DMD: variants seen among roughly 807,000 people sequenced by gnomAD.
The protein encoded by DMD is dystrophin.
A neutral mutation model predicts 330.1 loss-of-function variants in DMD; 63 were observed. The ratio of observed to expected loss-of-function variants is 0.19; its 90% CI spans 0.16 to 0.24. DMD has a LOEUF of 0.24. Ranked by LOEUF, DMD falls within the 10% of genes least tolerant of loss-of-function variation. DMD has a pLI of 1.00. For synonymous variants in DMD, 1,223 were observed against 959.8 expected (o/e 1.27, Z -5.07); for missense variants, 3,344 against 2,684.1 (o/e 1.25, Z -5.43).
At chrX:31,925,429 G>T (rs1212809387) in intron 47 of DMD, among the ~76,000 whole-genome samples, 1 of 111,094 alleles carries the variant, frequency 9.0e-6, no homozygotes, top group African/African-American at 3.3e-5. Flanking sequence ...CATATACAAA[G>T]AGCAATGAAG....
rs1392458589 is a variant in DMD at position 32,382,696 on chromosome X, G to T, written c.4675-2016C>A. Among the ~76,000 whole-genome samples, 6 of 108,160 alleles carry T rather than the reference G, an allele frequency of 5.5e-5. No individual in the cohort carries two copies. In the East Asian group the frequency reaches 1.7e-3, roughly 31 times the overall value. 93.9% of individuals were successfully genotyped at this position (108,160 alleles called of 115,157 possible). On this transcript the variant is annotated intron_variant, in intron 33 of 78. Coordinates refer to ENST00000357033, the MANE Select transcript of DMD (RefSeq NM_004006.3). The stretch of plus-strand genomic sequence containing the variant: ...GTTGTAGGGGTGTGTGGGGGGTGAG[G>T]GAAAATATACTTTATGGTGTGTTTC...
At chrX:32,150,234 T>G (rs1052008642) in intron 44 of DMD, among the ~76,000 whole-genome samples, 38 of 111,901 alleles carry the variant, frequency 3.4e-4, no homozygotes, top group African/African-American at 1.2e-3. Context: ...ACGTGGAAAG[T>G]TATGAGGATA....
intron 1 of DMD, among the ~76,000 whole-genome samples, chrX:33,102,268 A>C (rs2095246363): frequency 9.1e-6 from 1 of 109,999 alleles, no homozygotes; most frequent in Non-Finnish European, 1.9e-5. Context: ...TTTGGAAAAA[A>C]AGAAACTTCC....
At chrX:32,154,660 G>A (rs2096821835) in intron 44 of DMD, among the ~76,000 whole-genome samples, 1 of 111,563 alleles carries the variant, frequency 9.0e-6, no homozygotes, top group African/African-American at 3.3e-5. Flanking sequence ...TCTAAGCAAA[G>A]CAGGGTTTTA....
intron 43 of DMD, among the ~76,000 whole-genome samples, chrX:32,257,021 A>G (rs753075644): frequency 9.8e-5 from 11 of 111,713 alleles, no homozygotes; most frequent in Non-Finnish European, 1.7e-4. Context: ...TACACCAAGA[A>G]TAGACAAACA....
At chrX:31,627,444 T>C (rs920080974) in intron 55 of DMD, among the ~76,000 whole-genome samples, 5 of 112,396 alleles carry the variant, frequency 4.4e-5, no homozygotes, top group African/African-American at 1.6e-4. Flanking sequence ...ATGCAAATGT[T>C]TTCCTGGTCA....
At chrX:32,983,676 AG>A (rs1016011994) in intron 2 of DMD, among the ~76,000 whole-genome samples, 20 of 111,162 alleles carry the variant, frequency 1.8e-4, no homozygotes, top group Admixed American at 2.9e-4. Context: ...TATTAACTTT[AG>A]GGAAAAAATG....
At chrX:32,948,248 C>T (rs1163918237) in intron 2 of DMD, among the ~76,000 whole-genome samples, 1 of 111,172 alleles carries the variant, frequency 9.0e-6, no homozygotes, top group African/African-American at 3.3e-5. Flanking sequence ...GAGAGAGCTG[C>T]CTCCTCTTTG....
intron 43 of DMD, among the ~76,000 whole-genome samples, chrX:32,255,635 G>C (rs1171041644): frequency 1.8e-5 from 2 of 111,959 alleles, no homozygotes; most frequent in African/African-American, 6.5e-5. Flanking sequence ...TTGGGAAATA[G>C]AAACAGGATA....
intron 1 of DMD, among the ~76,000 whole-genome samples, chrX:33,144,017 C>A (rs1603350740): frequency 9.0e-6 from 1 of 111,439 alleles, no homozygotes; most frequent in Non-Finnish European, 1.9e-5. Context: ...TAAATGGATT[C>A]CTCTTTGTTA....
intron 44 of DMD, among the ~76,000 whole-genome samples, chrX:32,121,737 ATGTG>A (rs770805204): frequency 1.0e-5 from 1 of 96,410 alleles, no homozygotes. Context: ...GTCAAAAAAA[ATGTG>A]TGTGTGTGTG....
intron 2 of DMD, among the ~76,000 whole-genome samples, chrX:32,867,754 T>G (rs1416575338): frequency 8.9e-6 from 1 of 111,844 alleles, no homozygotes; most frequent in Non-Finnish European, 1.9e-5. Flanking sequence ...TATCAAATAG[T>G]TAACCAACTT....
At chrX:31,324,207 T>G (rs1441001208) in intron 61 of DMD, among the ~76,000 whole-genome samples, 1 of 111,506 alleles carries the variant, frequency 9.0e-6, no homozygotes, top group East Asian at 2.8e-4. Flanking sequence ...CCTCAAAATG[T>G]CAGCTGACCA....
chrX:33,060,414 C>T (rs2094568295), intron 1 of DMD, among the ~76,000 whole-genome samples: 1 of 111,465 alleles, frequency 9.0e-6, no homozygotes, highest in African/African-American at 3.3e-5. Flanking sequence ...TGTGCACAGA[C>T]TGGGCTATGA....
At chrX:32,779,831 C>T (rs1313204691) in intron 7 of DMD, among the ~76,000 whole-genome samples, 1 of 108,758 alleles carries the variant, frequency 9.2e-6, no homozygotes, top group Non-Finnish European at 1.9e-5. Flanking sequence ...AACAAACCTG[C>T]ACGTTATGCA....
intron 2 of DMD, among the ~76,000 whole-genome samples, chrX:33,008,250 T>C (rs765386664): frequency 8.9e-6 from 1 of 111,825 alleles, no homozygotes; most frequent in Admixed American, 9.6e-5. Flanking sequence ...CTGCCTTTTA[T>C]GTTCCAAGAT....
intron 2 of DMD, among the ~76,000 whole-genome samples, chrX:32,877,944 G>C (rs1399150130): frequency 1.8e-5 from 2 of 111,784 alleles, no homozygotes; most frequent in African/African-American, 3.3e-5. Context: ...TCACCTACTT[G>C]CCATCCCTGA....
At chrX:31,345,124 G>T (rs1424352333) in intron 61 of DMD, among the ~76,000 whole-genome samples, 1 of 111,996 alleles carries the variant, frequency 8.9e-6, no homozygotes, top group African/African-American at 3.2e-5. Context: ...CTTTATACCT[G>T]CAAGCAAAGC....
intron 34 of DMD, among the ~76,000 whole-genome samples, chrX:32,373,691 C>A (rs768206403): frequency 9.0e-6 from 1 of 111,620 alleles, no homozygotes; most frequent in Non-Finnish European, 1.9e-5. Flanking sequence ...TTAGGCCTAC[C>A]AATTATAGTT....
Sources: gnomAD v4.1 joint callset for allele counts (sites outside exome capture counted in the v4.1 genomes callset) on GRCh38, gnomAD v4.1.1 for gene constraint, MANE v1.5 for transcripts, NCBI Gene and HGNC (gene_info 2026-07-23, HGNC 2026-07-21) for gene names.